The following RBFOX1 variants were observed in gnomAD, a reference collection of about 807,000 sequenced individuals.
RBFOX1 encodes the protein RNA binding fox-1 homolog 1.
Under a neutral mutation model 57.7 loss-of-function variants are expected in RBFOX1, and 8 were observed. The observed-to-expected ratio is 0.14, with a 90% CI of 0.08 to 0.25. RBFOX1 has a LOEUF of 0.25. Ranked by LOEUF, RBFOX1 falls within the 10% of genes least tolerant of loss-of-function variation. RBFOX1 has a pLI of 1.00. For synonymous variants in RBFOX1, 326 were observed against 222.4 expected (o/e 1.47, Z -4.15); for missense variants, 611 against 548.5 (o/e 1.11, Z -1.14).
intron 3 of RBFOX1, among the ~76,000 whole-genome samples, chr16:6,665,739 G>T (rs188469149): frequency 6.6e-6 from 1 of 151,562 alleles, no homozygotes; most frequent in African/African-American, 2.4e-5. Flanking sequence ...TTGCATTGAG[G>T]ATTTACTACA....
At chr16:7,366,499 C>T (rs2097451597) in intron 4 of RBFOX1, among the ~76,000 whole-genome samples, 1 of 152,178 alleles carries the variant, frequency 6.6e-6, no homozygotes. Flanking sequence ...GACAGACAGG[C>T]TGTTGAGGCA....
At chr16:5,606,213 C>T (rs1159174242) in intron 3 of RBFOX1, among the ~76,000 whole-genome samples, 1 of 152,088 alleles carries the variant, frequency 6.6e-6, no homozygotes, top group Non-Finnish European at 1.5e-5. Context: ...TATCTGGTGG[C>T]TTCTCCAACC....
At chr16:6,619,169 G>T (rs77596833) in intron 2 of RBFOX1, among the ~76,000 whole-genome samples, 1 of 147,590 alleles carries the variant, frequency 6.8e-6, no homozygotes, top group Non-Finnish European at 1.5e-5. Flanking sequence ...CCAGGAAGGA[G>T]AAAAAAAAAA....
chr16:6,371,755 C>G (rs2090457086), intron 2 of RBFOX1, among the ~76,000 whole-genome samples: 1 of 152,014 alleles, frequency 6.6e-6, no homozygotes, highest in African/African-American at 2.4e-5. Context: ...TACACACATG[C>G]ACATACACAT....
intron 2 of RBFOX1, among the ~76,000 whole-genome samples, chr16:6,621,054 T>A (rs984331208): frequency 2.0e-5 from 3 of 152,252 alleles, no homozygotes; most frequent in Non-Finnish European, 4.4e-5. Context: ...TCCAGGGGAC[T>A]GCCAGCAATC....
intron 3 of RBFOX1, among the ~76,000 whole-genome samples, chr16:6,734,672 T>C (rs1250231873): frequency 6.6e-6 from 1 of 152,198 alleles, no homozygotes; most frequent in African/African-American, 2.4e-5. Context: ...TCTACACATA[T>C]TTTATCTTAT....
At chr16:6,887,805 G>A (rs1317665165) in intron 3 of RBFOX1, among the ~76,000 whole-genome samples, 1 of 152,014 alleles carries the variant, frequency 6.6e-6, no homozygotes, top group Non-Finnish European at 1.5e-5. Flanking sequence ...TGGGTTTACA[G>A]GCACTCGTCA....
chr16:6,657,057 C>G, intron 3 of RBFOX1, among the ~76,000 whole-genome samples: 1 of 116,638 alleles, frequency 8.6e-6, no homozygotes, highest in Non-Finnish European at 1.7e-5. Flanking sequence ...CCTCTCCTCC[C>G]CTTTCCTCTC....
intron 2 of RBFOX1, among the ~76,000 whole-genome samples, chr16:6,457,437 G>GCCCCC (rs1240682051): frequency 2.8e-5 from 1 of 36,218 alleles, no homozygotes; most frequent in Non-Finnish European, 5.5e-5. Context: ...ATTTCCGGAA[G>GCCCCC]TCCCCCCCCC....
At chr16:5,535,204 A>C (rs572524845) in intron 2 of RBFOX1, among the ~76,000 whole-genome samples, 3 of 152,340 alleles carry the variant, frequency 2.0e-5, no homozygotes, top group African/African-American at 7.2e-5. Context: ...CCACATTTCA[A>C]GTGCTCAGTA....
intron 4 of RBFOX1, among the ~76,000 whole-genome samples, chr16:7,151,472 G>C (rs1213057374): frequency 6.6e-6 from 1 of 152,126 alleles, no homozygotes; most frequent in Non-Finnish European, 1.5e-5. Context: ...CCTCCTGAGT[G>C]CTGACTTCAT....
intron 3 of RBFOX1, among the ~76,000 whole-genome samples, chr16:7,040,897 GTTTTGTTT>G (rs1391320156): frequency 5.5e-4 from 80 of 146,318 alleles, no homozygotes; most frequent in African/African-American, 1.4e-3. Flanking sequence ...TTTTTTTTTT[GTTTTGTTT>G]TTTTGTTTTT....
At chr16:5,930,800 T>G (rs1035237536) in intron 4 of RBFOX1, among the ~76,000 whole-genome samples, 1,456 of 8,526 alleles carry the variant, frequency 0.17, no homozygotes, top group Non-Finnish European at 0.18. Flanking sequence ...GCGGGTATGT[T>G]GGTGGGTGGG....
chr16:6,662,931 C>T (rs1377295528), intron 3 of RBFOX1, among the ~76,000 whole-genome samples: 2 of 152,178 alleles, frequency 1.3e-5, no homozygotes, highest in African/African-American at 2.4e-5. Flanking sequence ...TAAAGAAAAG[C>T]ACATGGATGT....
chr16:7,433,568 C>A (rs55892956), intron 4 of RBFOX1, among the ~76,000 whole-genome samples: 1 of 152,316 alleles, frequency 6.6e-6, no homozygotes, highest in Non-Finnish European at 1.5e-5. Flanking sequence ...TGAATTGAGT[C>A]TTAAGGGGTT....
chr16:6,225,904 G>A (rs546567939), intron 1 of RBFOX1, among the ~76,000 whole-genome samples: 77 of 152,274 alleles, frequency 5.1e-4, no homozygotes, highest in Admixed American at 6.5e-4. Context: ...CACTGAAGCC[G>A]TGCTTTTTGA....
intron 3 of RBFOX1, among the ~76,000 whole-genome samples, chr16:5,844,349 T>C (rs12448919): frequency 0.054 from 8,276 of 152,330 alleles, 291 homozygotes; most frequent in Admixed American, 0.098. Flanking sequence ...TGATTATATA[T>C]GCTGTTCTAA....
chr16:5,856,604 T>TATGTATATATATATATAA (rs776623035), intron 3 of RBFOX1, among the ~76,000 whole-genome samples: 1 of 68,110 alleles, frequency 1.5e-5, no homozygotes, highest in Non-Finnish European at 3.0e-5. Flanking sequence ...TATATATATA[T>TATGTATATATATATATAA]AATCTTAGCC....
At chr16:6,968,440 G>C (rs140171255) in intron 3 of RBFOX1, among the ~76,000 whole-genome samples, 4 of 152,126 alleles carry the variant, frequency 2.6e-5, no homozygotes, top group African/African-American at 9.6e-5. Flanking sequence ...TGAAATAAAA[G>C]CATGCTGCCT....
Sources: gnomAD v4.1 joint callset for allele counts (sites outside exome capture counted in the v4.1 genomes callset) on GRCh38, gnomAD v4.1.1 for gene constraint, MANE v1.5 for transcripts, NCBI Gene and HGNC (gene_info 2026-07-23, HGNC 2026-07-21) for gene names.